The following RASSF6 variants were observed in gnomAD, a reference collection of about 807,000 sequenced individuals.
The protein encoded by RASSF6 is ras association domain-containing protein 6.
A neutral mutation model predicts 44.0 loss-of-function variants in RASSF6; 52 were observed. That is an observed-to-expected ratio of 1.18 (90% CI 0.95 to 1.49). The LOEUF is 1.49. Ranked by LOEUF, RASSF6 falls within the 40% of genes most tolerant of loss-of-function variation. RASSF6 has a pLI of 0.00. For missense variants in RASSF6, 464 were observed against 393.3 expected (o/e 1.18, Z -1.52); for synonymous variants, 162 against 124.6 (o/e 1.30, Z -2.00).
intron 3 of RASSF6, among the ~76,000 whole-genome samples, chr4:73,598,128 TGCTTTCTA>T (rs1725056654): frequency 6.6e-6 from 1 of 152,170 alleles, no homozygotes; most frequent in South Asian, 2.1e-4. Flanking sequence ...GTTAGAAAAA[TGCTTTCTA>T]GCTTCAGGAC....
At chr4:73,598,986 G>A (rs966597603) in intron 2 of RASSF6, among the ~76,000 whole-genome samples, 2 of 152,192 alleles carry the variant, frequency 1.3e-5, no homozygotes, top group African/African-American at 4.8e-5. Flanking sequence ...GTAGCAGGAG[G>A]CAGCCACGAA....
intron 2 of RASSF6, among the ~76,000 whole-genome samples, chr4:73,605,749 T>A (rs997915773): frequency 5.9e-5 from 9 of 152,280 alleles, no homozygotes; most frequent in African/African-American, 2.2e-4. Flanking sequence ...TACCTGAGGA[T>A]TTTTCCCTTT....
intron 5 of RASSF6, among the ~76,000 whole-genome samples, chr4:73,586,443 T>C (rs1027174512): frequency 6.6e-6 from 1 of 152,020 alleles, no homozygotes; most frequent in Non-Finnish European, 1.5e-5. Context: ...GGAATTGAAT[T>C]GAGCTACAAT....
Position 73,620,359 on chromosome 4 carries a change from T to C in RASSF6, c.-106A>G. On this transcript the variant is annotated 5_prime_UTR_variant, in exon 1 of 11. Coordinates refer to ENST00000307439, the MANE Select transcript of RASSF6 (RefSeq NM_177532.5). ...TCGGCTGAACTTGCTTCGCGGTTTG[T>C]TCTCGGCTGGGTCAGGAACTCTGGT... The C allele has an allele frequency of 1.3e-6, 2 of 1,506,116 alleles. No individual in the cohort carries two copies. The highest frequency in any genetic ancestry group is 8.8e-7 in the Non-Finnish European group (1 of 1,130,984). The allele number at this position is 1,506,116 out of a possible 1,614,324, so 93.3% of individuals were successfully genotyped here. A position where few individuals can be genotyped will look rare whatever the true frequency, so the allele number is the denominator to read the frequency against.
At chr4:73,618,676 T>C (rs1560465924) in intron 1 of RASSF6, among the ~76,000 whole-genome samples, 4 of 152,162 alleles carry the variant, frequency 2.6e-5, no homozygotes, top group Admixed American at 1.3e-4. Context: ...GGGTTTAGAA[T>C]TCTATCCACA....
chr4:73,599,939 A>G (rs1050652646), intron 2 of RASSF6, among the ~76,000 whole-genome samples: 5 of 151,096 alleles, frequency 3.3e-5, no homozygotes, highest in African/African-American at 1.2e-4. Context: ...TTCCTTGGCC[A>G]CTCCAGACAG....
At chr4:73,593,806 A>T (rs993063202) in intron 3 of RASSF6, among the ~76,000 whole-genome samples, 1 of 152,234 alleles carries the variant, frequency 6.6e-6, no homozygotes, top group Non-Finnish European at 1.5e-5. Context: ...CAGCAAAGTG[A>T]GTAAATCATA....
rs915530935 is a variant in RASSF6 at position 73,573,723 on chromosome 4, T to C, written c.*2512A>G. The C allele has an allele frequency of 1.3e-5, 2 of 152,196 alleles. No individual in the cohort carries two copies. The highest frequency in any genetic ancestry group is 4.8e-5 in the African/African-American group (2 of 41,432). The allele number at this position is 152,196 out of a possible 1,614,324, so 9.4% of individuals were successfully genotyped here. A position where few individuals can be genotyped will look rare whatever the true frequency, so the allele number is the denominator to read the frequency against. ...TAATCTTTGCTAATAGGCCAAAATG[T>C]GTATTTATTTATTTATTTTACTTTG... On this transcript the variant is annotated 3_prime_UTR_variant, in exon 11 of 11. Transcript: ENST00000307439.
At chr4:73,590,878 T>C in intron 4 of RASSF6, among the ~76,000 whole-genome samples, 1 of 152,248 alleles carries the variant, frequency 6.6e-6, no homozygotes, top group African/African-American at 2.4e-5. Context: ...AGCCAATTCC[T>C]GTTTGCTTCA....
At chr4:73,579,429 G>T (rs2149363645) in intron 8 of RASSF6, among the ~76,000 whole-genome samples, 3 of 152,260 alleles carry the variant, frequency 2.0e-5, no homozygotes, top group Middle Eastern at 6.8e-3. Flanking sequence ...TTACCCTGAT[G>T]CATGCCAGCC....
intron 2 of RASSF6, among the ~76,000 whole-genome samples, chr4:73,610,895 T>C (rs1209422415): frequency 6.6e-6 from 1 of 152,200 alleles, no homozygotes; most frequent in African/African-American, 2.4e-5. Context: ...CAGTGAGTAA[T>C]CAGTAAGTGT....
chr4:73,617,161 A>G (rs1726417528), intron 1 of RASSF6, among the ~76,000 whole-genome samples: 1 of 152,230 alleles, frequency 6.6e-6, no homozygotes. Flanking sequence ...ATAATGTATT[A>G]TAATCATTGA....
intron 5 of RASSF6, among the ~76,000 whole-genome samples, chr4:73,587,398 G>A (rs918065949): frequency 4.6e-5 from 7 of 152,026 alleles, no homozygotes; most frequent in African/African-American, 1.7e-4. Context: ...GAGAAGTAAT[G>A]TTATTGACAT....
chr4:73,587,957 A>C (rs766624843), intron 4 of RASSF6, 23 bp from the exon 5 acceptor site: 11 of 1,458,162 alleles, frequency 7.5e-6, no homozygotes, highest in East Asian at 6.8e-5. Context: ...AAATCTTGTA[A>C]GTACATCAGT....
At chr4:73,581,947 G>A (rs1028842233) in intron 7 of RASSF6, 79 bp from the exon 8 acceptor site, 75 of 1,043,162 alleles carry the variant, frequency 7.2e-5, no homozygotes, top group Non-Finnish European at 1.0e-4. Flanking sequence ...CCCAAATCAT[G>A]TCTGTTTTCT....
intron 3 of RASSF6, among the ~76,000 whole-genome samples, chr4:73,598,034 G>C (rs1459170278): frequency 6.6e-6 from 1 of 152,154 alleles, no homozygotes; most frequent in Non-Finnish European, 1.5e-5. Flanking sequence ...CAATAGCTGG[G>C]TGAAGAAATA....
At chr4:73,601,412 G>T (rs1290688482) in intron 2 of RASSF6, among the ~76,000 whole-genome samples, 4 of 152,154 alleles carry the variant, frequency 2.6e-5, no homozygotes, top group Non-Finnish European at 5.9e-5. Context: ...CTGGCTCTTC[G>T]CAGAGAAAGT....
intron 2 of RASSF6, among the ~76,000 whole-genome samples, chr4:73,599,403 C>T (rs1296897150): frequency 6.6e-6 from 1 of 152,170 alleles, no homozygotes; most frequent in Non-Finnish European, 1.5e-5. Flanking sequence ...GGGGAGGAGC[C>T]CTCTACCTTT....
chr4:73,593,806 A>G (rs993063202), intron 3 of RASSF6, among the ~76,000 whole-genome samples: 6 of 152,352 alleles, frequency 3.9e-5, no homozygotes, highest in East Asian at 1.9e-4. Context: ...CAGCAAAGTG[A>G]GTAAATCATA....
Sources: allele counts gnomAD v4.1 joint callset (sites outside exome capture counted in the v4.1 genomes callset), GRCh38; gene constraint gnomAD v4.1.1; transcripts MANE v1.5; gene names NCBI Gene and HGNC (gene_info 2026-07-23, HGNC 2026-07-21).